Variants in ETV1 observed in about 807,000 individuals in gnomAD.
ETV1 encodes ETS variant transcription factor 1, also known as ETS translocation variant 1.
Under a neutral mutation model 62.3 loss-of-function variants are expected in ETV1, and 27 were observed. The observed-to-expected ratio is 0.43, with a 90% confidence interval of 0.32 to 0.60. The LOEUF (loss-of-function observed/expected upper bound fraction) is 0.60, where lower values mean the gene tolerates loss of function less well. ETV1 is among the 20% of genes least tolerant of loss of function. The probability of loss-of-function intolerance (pLI) is 0.06; values close to 1 mark genes in which losing one functional copy is unlikely to be tolerated. For missense variants in ETV1, 605 were observed against 605.8 expected (o/e 1.00, Z 0.01); for synonymous variants, 222 against 199.6 (o/e 1.11, Z -0.94).
At chr7:13,965,048 C>T (rs1229051087) in intron 6 of ETV1, among the ~76,000 whole-genome samples, 3 of 152,046 alleles carry the variant, frequency 2.0e-5, no homozygotes, top group Non-Finnish European at 4.4e-5. Context: ...ATACCTCCGC[C>T]GCTGCTGCTA....
chr7:13,970,305 CACACACACA>C (rs1780764690), intron 6 of ETV1, among the ~76,000 whole-genome samples: 1 of 81,822 alleles, frequency 1.2e-5, no homozygotes, highest in African/African-American at 4.2e-5. Flanking sequence ...CACACACACA[CACACACACA>C]CACACACACA....
In ETV1 at chr7:13,906,306, T is replaced by C. The variant is rs113241897; in HGVS notation, c.1110+124A>G. ...TGTTTTATCTTTGCATGCTTTTTAA[T>C]TCAGAAAGTTTCCCTAAAGTCTTGA... On this transcript the variant is annotated intron_variant, in intron 12 of 13. Coordinates refer to ENST00000430479, the MANE Select transcript of ETV1 (RefSeq NM_004956.5). 2,305 of 628,130 alleles carry C rather than the reference T, an allele frequency of 3.7e-3. 36 individuals are homozygous for C. The highest frequency in any genetic ancestry group is 0.036 in the African/African-American group (1,888 of 52,684). The allele number at this position is 628,130 out of a possible 1,614,324, so 38.9% of individuals were successfully genotyped here.
chr7:13,956,301 C>G (rs1019801533), intron 6 of ETV1, among the ~76,000 whole-genome samples: 1 of 151,710 alleles, frequency 6.6e-6, no homozygotes. Context: ...GATACAACCT[C>G]CCAGCTGCTA....
chr7:13,908,207 T>C (rs566021237), intron 11 of ETV1, among the ~76,000 whole-genome samples: 3 of 152,288 alleles, frequency 2.0e-5, no homozygotes, highest in African/African-American at 4.8e-5. Context: ...AAAAAATGTT[T>C]TATTAGTGTA....
chr7:13,969,000 C>G (rs1212770138), intron 6 of ETV1, among the ~76,000 whole-genome samples: 2 of 152,028 alleles, frequency 1.3e-5, no homozygotes, highest in Non-Finnish European at 2.9e-5. Context: ...CAATCAAGTA[C>G]CAAACTAAAA....
intron 9 of ETV1, among the ~76,000 whole-genome samples, chr7:13,915,576 C>A (rs1416477118): frequency 6.6e-6 from 1 of 152,028 alleles, no homozygotes; most frequent in African/African-American, 2.4e-5. Flanking sequence ...TGTTTAAAAT[C>A]CAAAGGTTTA....
At chr7:13,949,029 G>A (rs1052321493) in intron 6 of ETV1, among the ~76,000 whole-genome samples, 18 of 152,198 alleles carry the variant, frequency 1.2e-4, no homozygotes, top group African/African-American at 3.9e-4. Context: ...AATTTACTTA[G>A]ATCAGGGTGA....
chr7:13,938,892 A>C (rs912035433), intron 7 of ETV1, among the ~76,000 whole-genome samples: 1 of 152,234 alleles, frequency 6.6e-6, no homozygotes, highest in Non-Finnish European at 1.5e-5. Context: ...ACTACAGTAG[A>C]AAAGCAACTA....
chr7:13,917,140 A>G (rs1212254045), intron 9 of ETV1, among the ~76,000 whole-genome samples: 2 of 152,010 alleles, frequency 1.3e-5, no homozygotes, highest in South Asian at 2.1e-4. Context: ...CCCCACACAA[A>G]TAATGACCAG....
intron 3 of ETV1, 84 bp from the exon 4 acceptor site, chr7:13,988,257 C>G (rs1782734224): frequency 1.2e-6 from 1 of 804,774 alleles, no homozygotes; most frequent in Non-Finnish European, 2.2e-6. Context: ...CACACACACA[C>G]AGACATGCAT....
At chr7:13,941,457 T>A (rs1375822178) in intron 6 of ETV1, among the ~76,000 whole-genome samples, 1 of 152,156 alleles carries the variant, frequency 6.6e-6, no homozygotes, top group African/African-American at 2.4e-5. Context: ...TGATAAATGG[T>A]AAAAGCCAAT....
chr7:13,925,532 T>C (rs1032609748), intron 9 of ETV1, among the ~76,000 whole-genome samples: 5 of 152,134 alleles, frequency 3.3e-5, no homozygotes, highest in Non-Finnish European at 7.3e-5. Context: ...CGTGATGAGT[T>C]TGGACACTTC....
chr7:13,897,106 G>C (rs944621873), intron 13 of ETV1, among the ~76,000 whole-genome samples: 1 of 150,834 alleles, frequency 6.6e-6, no homozygotes, highest in Non-Finnish European at 1.5e-5. Flanking sequence ...AGATGAATAC[G>C]CCTCTTGTTA....
intron 13 of ETV1, among the ~76,000 whole-genome samples, chr7:13,897,163 T>A (rs763985473): frequency 1.1e-4 from 16 of 151,724 alleles, no homozygotes; most frequent in African/African-American, 3.9e-4. Flanking sequence ...GGGGGATGGG[T>A]GGATGAATAC....
chr7:13,914,158 T>TACA (rs1783881691), intron 9 of ETV1, among the ~76,000 whole-genome samples: 1 of 151,962 alleles, frequency 6.6e-6, no homozygotes, highest in Admixed American at 6.6e-5. Flanking sequence ...GTGCTGGGAT[T>TACA]ACAGGCATGA....
At chr7:13,986,053 TTA>T in intron 5 of ETV1, 2 of 1,306,760 alleles carry the variant, frequency 1.5e-6, no homozygotes, top group African/African-American at 3.0e-5. Context: ...GAAAACATTT[TTA>T]AAATCCTCAT....
intron 9 of ETV1, among the ~76,000 whole-genome samples, chr7:13,918,874 T>TA (rs370489670): frequency 0.24 from 34,371 of 141,584 alleles, 4,271 homozygotes; most frequent in East Asian, 0.34. Flanking sequence ...TAAAGTATAA[T>TA]AAAAAAAAAA....
At chr7:13,962,119 G>C (rs895912750) in intron 6 of ETV1, among the ~76,000 whole-genome samples, 1 of 151,496 alleles carries the variant, frequency 6.6e-6, no homozygotes, top group Admixed American at 6.6e-5. Context: ...AGCTTATATA[G>C]TATGTTCCAT....
At chr7:13,966,854 G>C (rs1390835562) in intron 6 of ETV1, among the ~76,000 whole-genome samples, 1 of 152,028 alleles carries the variant, frequency 6.6e-6, no homozygotes, top group Non-Finnish European at 1.5e-5. Flanking sequence ...CTCCATGATA[G>C]CAGATATTTT....
Sources: allele counts gnomAD v4.1 joint callset (sites outside exome capture counted in the v4.1 genomes callset), GRCh38; gene constraint gnomAD v4.1.1; transcripts MANE v1.5; gene names NCBI Gene and HGNC (gene_info 2026-07-23, HGNC 2026-07-21).